The following LPP variants were observed in gnomAD, a reference collection of about 807,000 sequenced individuals.
LPP encodes LIM domain containing preferred translocation partner in lipoma, also known as lipoma-preferred partner.
A neutral mutation model predicts 60.4 loss-of-function variants in LPP; 38 were observed. The ratio of observed to expected loss-of-function variants is 0.63; its 90% CI spans 0.49 to 0.83. The LOEUF is 0.83. Among genes scored for constraint, LPP ranks in the 40% least tolerant of loss-of-function variants. The pLI, the probability that LPP is intolerant of heterozygous loss-of-function variation, is 0.00. For missense variants in LPP, 902 were observed against 783.6 expected (o/e 1.15, Z -1.80); for synonymous variants, 328 against 290.8 (o/e 1.13, Z -1.30).
intron 7 of LPP, among the ~76,000 whole-genome samples, chr3:188,682,559 C>A (rs1040235789): frequency 6.6e-6 from 1 of 152,168 alleles, no homozygotes. Context: ...GTTACCTTGG[C>A]AAGTGAATGG....
intron 7 of LPP, among the ~76,000 whole-genome samples, chr3:188,640,129 C>T (rs546765339): frequency 4.1e-4 from 62 of 149,962 alleles, no homozygotes; most frequent in African/African-American, 1.2e-3. Context: ...AAATGTCCAA[C>T]AATGATAGAC....
chr3:188,452,334 G>A (rs527329197), intron 4 of LPP, among the ~76,000 whole-genome samples: 1 of 152,074 alleles, frequency 6.6e-6, no homozygotes, highest in South Asian at 2.1e-4. Flanking sequence ...CTGATAGCGT[G>A]TGGGCTCTGA....
At chr3:188,742,000 T>C (rs760238033) in intron 8 of LPP, among the ~76,000 whole-genome samples, 10 of 151,970 alleles carry the variant, frequency 6.6e-5, no homozygotes, top group Non-Finnish European at 1.2e-4. Flanking sequence ...GGCAATAGAT[T>C]TGAACAGGTA....
intron 9 of LPP, among the ~76,000 whole-genome samples, chr3:188,862,750 A>G (rs1244631831): frequency 6.8e-6 from 1 of 146,148 alleles, no homozygotes; most frequent in African/African-American, 2.6e-5. Flanking sequence ...AGAAAAAAGA[A>G]AAGAAAGAAA....
chr3:188,762,529 G>A (rs1178248694), intron 9 of LPP, among the ~76,000 whole-genome samples: 6 of 152,064 alleles, frequency 3.9e-5, no homozygotes, highest in African/African-American at 4.8e-5. Flanking sequence ...TTCTGAGTGC[G>A]TAACAAAACT....
intron 4 of LPP, among the ~76,000 whole-genome samples, chr3:188,473,042 T>C (rs1436619277): frequency 6.6e-6 from 1 of 152,180 alleles, no homozygotes; most frequent in Non-Finnish European, 1.5e-5. Flanking sequence ...CTATTTTTTT[T>C]CCATGGTGGA....
At chr3:188,454,671 G>C (rs1423441443) in intron 4 of LPP, among the ~76,000 whole-genome samples, 3 of 152,112 alleles carry the variant, frequency 2.0e-5, no homozygotes, top group Non-Finnish European at 4.4e-5. Context: ...GAATCATGGT[G>C]GGAGGTGAAA....
At chr3:188,156,375 T>G (rs1362204814) in intron 1 of LPP, among the ~76,000 whole-genome samples, 1 of 152,062 alleles carries the variant, frequency 6.6e-6, no homozygotes, top group Non-Finnish European at 1.5e-5. Flanking sequence ...GAGAGGAAAC[T>G]TGGTTATAAA....
Position 188,880,038 on chromosome 3 carries a change from T to TC in LPP, c.*5559_*5560insC, listed in dbSNP as rs1463048285. ...ATGCGTTTTTTTTCTTTTTTTCTTT[T>TC]TTTTTTTTTTGAGACGGAGTCTGGC... On this transcript the variant is annotated 3_prime_UTR_variant, in exon 12 of 12. Coordinates refer to ENST00000617246, the MANE Select transcript of LPP (RefSeq NM_001375462.1). 5 of 169,018 alleles carry TC rather than the reference T, an allele frequency of 3.0e-5. No individual in the cohort carries two copies. Among genetic ancestry groups the TC allele is most frequent in the African/African-American group, 1.2e-4 (5 of 41,204 alleles). The allele number at this position is 169,018 out of a possible 1,614,324, so 10.5% of individuals were successfully genotyped here.
At chr3:188,820,860 T>A (rs925666133) in intron 9 of LPP, among the ~76,000 whole-genome samples, 3 of 152,150 alleles carry the variant, frequency 2.0e-5, no homozygotes, top group African/African-American at 4.8e-5. Context: ...TTATAAGAAG[T>A]TAGTATACGA....
chr3:188,260,099 G>T (rs971735670), intron 2 of LPP, among the ~76,000 whole-genome samples: 4 of 151,656 alleles, frequency 2.6e-5, no homozygotes, highest in African/African-American at 9.7e-5. Context: ...CCAGGCAGTG[G>T]CACGATCTCG....
At chr3:188,738,746 T>C (rs182476844) in intron 8 of LPP, among the ~76,000 whole-genome samples, 185 of 152,288 alleles carry the variant, frequency 1.2e-3, no homozygotes, top group African/African-American at 4.2e-3. Context: ...TTGATTTTTG[T>C]TGTGAAAGTT....
At chr3:188,194,930 G>GA (rs1729111810) in intron 1 of LPP, among the ~76,000 whole-genome samples, 1 of 152,172 alleles carries the variant, frequency 6.6e-6, no homozygotes, top group South Asian at 2.1e-4. Flanking sequence ...GTAGTCTTCT[G>GA]ACTAGTGTTT....
intron 2 of LPP, among the ~76,000 whole-genome samples, chr3:188,291,730 T>TTTTCAAAAC (rs1321215670): frequency 6.6e-6 from 1 of 152,018 alleles, no homozygotes; most frequent in African/African-American, 2.4e-5. Flanking sequence ...AACACTTAAG[T>TTTTCAAAAC]ACCCATTTTC....
At chr3:188,339,696 C>G (rs1418323592) in intron 2 of LPP, among the ~76,000 whole-genome samples, 1 of 152,184 alleles carries the variant, frequency 6.6e-6, no homozygotes, top group Non-Finnish European at 1.5e-5. Flanking sequence ...CGGATTACTT[C>G]TACCTGGTAT....
chr3:188,309,782 T>C (rs1156671008), intron 2 of LPP, among the ~76,000 whole-genome samples: 3 of 152,176 alleles, frequency 2.0e-5, no homozygotes, highest in Non-Finnish European at 4.4e-5. Context: ...AAAATCGGGA[T>C]TCATTTACTG....
rs1830538335 is a variant in LPP at position 188,560,972 on chromosome 3, G to A, written c.429+36185G>A. The stretch of plus-strand genomic sequence containing the variant: ...TGTTCTCAGGAGTCCCACAGTAGGT[G>A]TTAGTTACATAGCTTGGATTTCAAG... On this transcript the variant is annotated intron_variant, in intron 6 of 11. Transcript: ENST00000617246. 2.0e-5 allele frequency among the ~76,000 whole-genome samples: 3 copies of A among 152,064 alleles called. No homozygotes were observed. In the South Asian group the frequency reaches 6.2e-4, roughly 32 times the overall value.
At chr3:188,284,927 G>T (rs1177483553) in intron 2 of LPP, among the ~76,000 whole-genome samples, 5 of 152,020 alleles carry the variant, frequency 3.3e-5, no homozygotes, top group Non-Finnish European at 7.4e-5. Context: ...TCATTCCTCT[G>T]TTGGGAGATG....
intron 2 of LPP, among the ~76,000 whole-genome samples, chr3:188,281,227 A>G (rs1240042575): frequency 2.0e-5 from 3 of 152,142 alleles, no homozygotes; most frequent in Non-Finnish European, 4.4e-5. Context: ...AGCCTTTTAC[A>G]TATGTATGGA....
Sources: allele counts gnomAD v4.1 joint callset (sites outside exome capture counted in the v4.1 genomes callset), GRCh38; gene constraint gnomAD v4.1.1; transcripts MANE v1.5; gene names NCBI Gene and HGNC (gene_info 2026-07-23, HGNC 2026-07-21).